MICAL3: variants seen among roughly 807,000 people sequenced by gnomAD.
The protein encoded by MICAL3 is microtubule associated monooxygenase, calponin and LIM domain containing 3.
In MICAL3, 62 loss-of-function variants were observed where a neutral mutation model predicts 207.4. That is an observed-to-expected ratio of 0.30 (90% CI 0.24 to 0.37). The LOEUF (loss-of-function observed/expected upper bound fraction) is 0.37. Among genes scored for constraint, MICAL3 ranks in the 10% least tolerant of loss-of-function variants. The pLI, the probability that MICAL3 is intolerant of heterozygous loss-of-function variation, is 1.00. For synonymous variants in MICAL3, 1,077 were observed against 1,069.3 expected (o/e 1.01, Z -0.14); for missense variants, 2,368 against 2,635.6 (o/e 0.90, Z 2.22).
At chr22:17,887,256 T>C in intron 14 of MICAL3, 24 bp from the exon 15 acceptor site, 1 of 1,612,330 alleles carries the variant, frequency 6.2e-7, no homozygotes, top group Non-Finnish European at 8.5e-7. Context: ...GGAGGGAAAC[T>C]GCATTATTCT....
In MICAL3 at chr22:17,796,204, C is replaced by T. The variant is rs951296093; in HGVS notation, c.5651-4903G>A. Among the ~76,000 whole-genome samples the T allele has an allele frequency of 1.3e-5, 2 of 152,242 alleles. No individual in the cohort carries two copies. The highest frequency in any genetic ancestry group is 2.4e-5 in the African/African-American group (1 of 41,458). On this transcript the variant is annotated intron_variant, in intron 29 of 31. Coordinates refer to ENST00000441493, the MANE Select transcript of MICAL3 (RefSeq NM_015241.3). This position sits in a 1 kb window ranked among gnomAD's most constrained non-coding sequence, Gnocchi z 4.4. ...AGCACTCTGCTGCGTCTCCAACACT[C>T]GGGGGCACATCTGCTCCATCTTTCC... is the stretch of plus-strand genomic sequence containing the variant.
In MICAL3 at chr22:17,796,977, C is replaced by T. The variant is rs907719725; in HGVS notation, c.5651-5676G>A. 1.3e-5 allele frequency among the ~76,000 whole-genome samples: 2 copies of T among 152,114 alleles called. No individual in the cohort carries two copies. The highest frequency in any genetic ancestry group is 4.8e-5 in the African/African-American group (2 of 41,408). ...TTCTCTGTACTTGTACTTCTATATT[C>T]CCACCTTCTCTCCAACCAAGACTCT... is the stretch of plus-strand genomic sequence containing the variant. On this transcript the variant is annotated intron_variant, in intron 29 of 31. Transcript: ENST00000441493. This position sits in a 1 kb window ranked among gnomAD's most constrained non-coding sequence, Gnocchi z 4.4.
chr22:17,895,475 A>G, intron 9 of MICAL3, 65 bp from the exon 10 acceptor site: 2 of 1,583,526 alleles, frequency 1.3e-6, no homozygotes, highest in African/African-American at 1.3e-5. Context: ...CTCTCGTTTC[A>G]TGATTGTTCT....
chr22:17,989,901 C>T (rs532879853), intron 1 of MICAL3, among the ~76,000 whole-genome samples: 1 of 152,256 alleles, frequency 6.6e-6, no homozygotes, highest in South Asian at 2.1e-4. Flanking sequence ...CCATCTATGC[C>T]TATTTCATCC....
chr22:17,807,394 A>G (rs973037184), intron 29 of MICAL3, among the ~76,000 whole-genome samples: 5 of 152,194 alleles, frequency 3.3e-5, no homozygotes, highest in African/African-American at 1.2e-4. Flanking sequence ...TCTTAGGTGA[A>G]CCCAAATCTC....
Position 17,796,679 on chromosome 22 carries a change from G to A in MICAL3, c.5651-5378C>T, listed in dbSNP as rs953427831. The stretch of plus-strand genomic sequence containing the variant: ...CTGATCAGAATGTCACACCTGGAAG[G>A]GAGGCCCGATGTCCCTTCCTGCCTC... On this transcript the variant is annotated intron_variant, in intron 29 of 31. Transcript: ENST00000441493. This position sits in a 1 kb window ranked among gnomAD's most constrained non-coding sequence, Gnocchi z 4.4. Among the ~76,000 whole-genome samples, 25 of 152,232 alleles carry A rather than the reference G, an allele frequency of 1.6e-4. No individual in the cohort carries two copies. The highest frequency in any genetic ancestry group is 6.0e-4 in the African/African-American group (25 of 41,452).
At chr22:18,010,311 T>C (rs1221250142) in intron 1 of MICAL3, among the ~76,000 whole-genome samples, 1 of 151,862 alleles carries the variant, frequency 6.6e-6, no homozygotes, top group African/African-American at 2.4e-5. Flanking sequence ...TCTGTTTGAT[T>C]TAAGCATCTG....
chr22:17,843,223 CT>C (rs1924249080), intron 19 of MICAL3, among the ~76,000 whole-genome samples: 1 of 151,684 alleles, frequency 6.6e-6, no homozygotes, highest in Non-Finnish European at 1.5e-5. Context: ...TCAAGTACTG[CT>C]ATGGACTCGG....
chr22:17,956,053 G>A (rs1001970075), intron 1 of MICAL3, among the ~76,000 whole-genome samples: 1 of 152,240 alleles, frequency 6.6e-6, no homozygotes, highest in Non-Finnish European at 1.5e-5. Context: ...CTGAGAGAGT[G>A]TCCTCTGAAA....
intron 1 of MICAL3, among the ~76,000 whole-genome samples, chr22:17,921,209 CTA>C (rs1230521925): frequency 1.3e-5 from 2 of 152,328 alleles, no homozygotes; most frequent in South Asian, 2.1e-4. Flanking sequence ...GCTCTATTGT[CTA>C]TGTTATCTCA....
intron 29 of MICAL3, among the ~76,000 whole-genome samples, chr22:17,802,255 G>C (rs2061948580): frequency 6.6e-6 from 1 of 151,950 alleles, no homozygotes. Context: ...TATAGAGACG[G>C]GGTTTCACCA....
At chr22:17,938,537 C>CTG (rs1933655845) in intron 1 of MICAL3, among the ~76,000 whole-genome samples, 1 of 152,174 alleles carries the variant, frequency 6.6e-6, no homozygotes, top group South Asian at 2.1e-4. Flanking sequence ...CGCTGGGATT[C>CTG]TGTGCATTCC....
intron 1 of MICAL3, among the ~76,000 whole-genome samples, chr22:17,961,822 C>A (rs1324475028): frequency 6.6e-6 from 1 of 152,202 alleles, no homozygotes; most frequent in East Asian, 1.9e-4. Flanking sequence ...CTGCTGCTGC[C>A]ACCAGTGCCA....
In MICAL3 at chr22:17,952,936, T is replaced by C. The variant is rs151261593; in HGVS notation, c.-74-46050A>G. Among the ~76,000 whole-genome samples, 718 of 152,294 alleles carry C rather than the reference T, an allele frequency of 4.7e-3. 5 individuals are homozygous for C. The highest frequency in any genetic ancestry group is 7.5e-3 in the Non-Finnish European group (509 of 68,020). ...GGTTGTAACATATGTAAAATGCCTT[T>C]TACCGCGCCTGACTCGGAGCAGCTA... On this transcript the variant is annotated intron_variant, in intron 1 of 31. Transcript: ENST00000441493.
At chr22:17,932,506 C>A (rs1344829281) in intron 1 of MICAL3, among the ~76,000 whole-genome samples, 1 of 152,170 alleles carries the variant, frequency 6.6e-6, no homozygotes, top group Non-Finnish European at 1.5e-5. Context: ...ATGATCAGTA[C>A]CAACCAATGC....
chr22:17,986,706 A>G (rs562639527), intron 1 of MICAL3, among the ~76,000 whole-genome samples: 2 of 152,284 alleles, frequency 1.3e-5, no homozygotes, highest in East Asian at 1.9e-4. Flanking sequence ...GAATGCCCAG[A>G]TTTCTTTCCC....
At chr22:17,802,495 T>C (rs1194409244) in intron 29 of MICAL3, among the ~76,000 whole-genome samples, 1 of 152,038 alleles carries the variant, frequency 6.6e-6, no homozygotes, top group Non-Finnish European at 1.5e-5. Context: ...GGTCGTTGAG[T>C]GTGGAGGTCT....
chr22:18,014,810 G>A (rs1751835810), intron 1 of MICAL3, among the ~76,000 whole-genome samples: 4 of 152,018 alleles, frequency 2.6e-5, no homozygotes, highest in South Asian at 4.1e-4. Context: ...TAGCTAACAC[G>A]GTGAAACCCC....
chr22:17,932,100 A>G (rs950403899), intron 1 of MICAL3, among the ~76,000 whole-genome samples: 1 of 152,224 alleles, frequency 6.6e-6, no homozygotes, highest in African/African-American at 2.4e-5. Flanking sequence ...GGAGAGGCCC[A>G]ACATTCAAAT....
Sources: gnomAD v4.1 joint callset for allele counts (sites outside exome capture counted in the v4.1 genomes callset) on GRCh38, gnomAD v4.1.1 for gene constraint, Gnocchi (gnomAD v3.1) non-coding constraint, MANE v1.5 for transcripts, NCBI Gene and HGNC (gene_info 2026-07-23, HGNC 2026-07-21) for gene names.